ODAD2: variants seen among roughly 807,000 people sequenced by gnomAD.
The protein encoded by ODAD2 is outer dynein arm-docking complex subunit 2.
ODAD2 carries 89 observed loss-of-function variants against 106.8 expected under a neutral mutation model. That is an observed-to-expected ratio of 0.83 (90% CI 0.70 to 0.99). The LOEUF (loss-of-function observed/expected upper bound fraction) is 0.99. ODAD2 is among the 50% of genes least tolerant of loss of function. ODAD2 has a pLI of 0.00. For missense variants in ODAD2, 1,168 were observed against 1,238.5 expected (o/e 0.94, Z 0.85); for synonymous variants, 404 against 436.2 (o/e 0.93, Z 0.92).
chr10:27,952,074 C>CAAAAAAAAAAAAAAAAAAAAAAAA (rs71388944), intron 10 of ODAD2, among the ~76,000 whole-genome samples: 64 of 43,926 alleles, frequency 1.5e-3, no homozygotes, highest in African/African-American at 2.0e-3. Flanking sequence ...GATGCCAACT[C>CAAAAAAAAAAAAAAAAAAAAAAAA]AAAAAAAAAA....
chr10:27,885,545 TATAA>T (rs1842045684), intron 17 of ODAD2, among the ~76,000 whole-genome samples: 4 of 16,652 alleles, frequency 2.4e-4, no homozygotes, highest in African/African-American at 2.4e-4. Context: ...TATATATATA[TATAA>T]ATATATAAAT....
chr10:27,814,589 A>G (rs1352126626), intron 19 of ODAD2, among the ~76,000 whole-genome samples: 1 of 151,916 alleles, frequency 6.6e-6, no homozygotes, highest in East Asian at 1.9e-4. Context: ...TCTGACCACA[A>G]TGTCTCCTCC....
At chr10:27,827,442 T>C (rs1048203943) in intron 19 of ODAD2, among the ~76,000 whole-genome samples, 1 of 150,054 alleles carries the variant, frequency 6.7e-6, no homozygotes, top group African/African-American at 2.5e-5. Context: ...TTTTCCAAGA[T>C]GTTCAAAGCC....
intron 10 of ODAD2, among the ~76,000 whole-genome samples, chr10:27,958,452 G>A: frequency 6.6e-6 from 1 of 152,164 alleles, no homozygotes; most frequent in South Asian, 2.1e-4. Context: ...TAAATCCTAA[G>A]GGAGAAAATT....
At chr10:27,929,109 C>T (rs1359856061) in intron 16 of ODAD2, among the ~76,000 whole-genome samples, 3 of 152,120 alleles carry the variant, frequency 2.0e-5, no homozygotes, top group African/African-American at 7.2e-5. Flanking sequence ...ATATATTAAT[C>T]ATGTAGACTG....
At chr10:27,910,308 C>T (rs889542771) in intron 16 of ODAD2, among the ~76,000 whole-genome samples, 1 of 152,094 alleles carries the variant, frequency 6.6e-6, no homozygotes, top group Non-Finnish European at 1.5e-5. Flanking sequence ...AAGATCACTC[C>T]TAGGGAAAAA....
chr10:27,954,118 ACTC>A (rs761798726), intron 10 of ODAD2, among the ~76,000 whole-genome samples: 4 of 152,160 alleles, frequency 2.6e-5, no homozygotes, highest in Non-Finnish European at 5.9e-5. Context: ...CCTCTTATTC[ACTC>A]CTCAACTCAT....
intron 17 of ODAD2, among the ~76,000 whole-genome samples, chr10:27,892,765 T>A (rs143104659): frequency 6.6e-6 from 1 of 152,330 alleles, no homozygotes; most frequent in Non-Finnish European, 1.5e-5. Context: ...CTCTCAATTA[T>A]CCTGTAATTC....
chr10:27,915,136 T>C (rs1235733846), intron 16 of ODAD2, among the ~76,000 whole-genome samples: 1 of 151,868 alleles, frequency 6.6e-6, no homozygotes, highest in African/African-American at 2.4e-5. Context: ...TAAATGAAAG[T>C]AAAAACCACA....
intron 17 of ODAD2, among the ~76,000 whole-genome samples, chr10:27,870,623 C>G (rs181530120): frequency 6.6e-6 from 1 of 152,032 alleles, no homozygotes; most frequent in East Asian, 1.9e-4. Flanking sequence ...TTTGTCCTTG[C>G]GATAGTTTGC....
At chr10:27,941,603 T>TTTG (rs1291078458) in intron 12 of ODAD2, among the ~76,000 whole-genome samples, 1 of 149,786 alleles carries the variant, frequency 6.7e-6, no homozygotes, top group Admixed American at 6.6e-5. Flanking sequence ...CCAGTTTTTT[T>TTTG]TTTTTTTTTT....
intron 19 of ODAD2, among the ~76,000 whole-genome samples, chr10:27,858,039 G>A (rs1015579109): frequency 7.9e-5 from 12 of 152,198 alleles, no homozygotes; most frequent in Non-Finnish European, 1.8e-4. Flanking sequence ...TTCTCTGCAG[G>A]TAATTGAACC....
chr10:27,963,376 C>A (rs545913546), intron 9 of ODAD2, among the ~76,000 whole-genome samples: 1 of 152,156 alleles, frequency 6.6e-6, no homozygotes, highest in Middle Eastern at 3.4e-3. Context: ...TCTATTATCC[C>A]CATTCTACAA....
intron 9 of ODAD2, among the ~76,000 whole-genome samples, chr10:27,964,391 A>T (rs2132889223): frequency 6.6e-6 from 1 of 152,278 alleles, no homozygotes; most frequent in East Asian, 1.9e-4. Flanking sequence ...TGATAATAGC[A>T]ATTAGTATGT....
intron 16 of ODAD2, among the ~76,000 whole-genome samples, chr10:27,914,493 C>T (rs973689675): frequency 2.6e-5 from 4 of 151,912 alleles, no homozygotes; most frequent in Admixed American, 1.3e-4. Context: ...TGTTCATTTT[C>T]TCAATTTGTT....
chr10:27,913,267 T>C (rs184458686), intron 16 of ODAD2, among the ~76,000 whole-genome samples: 2 of 152,174 alleles, frequency 1.3e-5, no homozygotes, highest in African/African-American at 4.8e-5. Context: ...AGTTTTTCGA[T>C]CCTCACCCTC....
intron 17 of ODAD2, among the ~76,000 whole-genome samples, chr10:27,869,438 G>A (rs899398310): frequency 1.3e-4 from 19 of 150,924 alleles, no homozygotes; most frequent in Non-Finnish European, 1.5e-4. Context: ...CCAGAGTGGC[G>A]TAATATAAAG....
chr10:27,823,308 T>C (rs945163199), intron 19 of ODAD2, among the ~76,000 whole-genome samples: 2 of 152,216 alleles, frequency 1.3e-5, no homozygotes, highest in Non-Finnish European at 2.9e-5. Flanking sequence ...GTGGATAAGA[T>C]TGTTTAGAAT....
rs1479120573 is a variant in ODAD2, at chr10:27,969,150, C to T, written c.1143-132G>A. 5.4e-4 allele frequency: 335 copies of T among 623,180 alleles called. 6 individuals carry two copies. The highest frequency in any genetic ancestry group is 8.4e-6 in the Non-Finnish European group (3 of 355,514). The allele number at this position is 623,180 out of a possible 1,614,324, so 38.6% of individuals were successfully genotyped here. ...TGATGCGTGTTCCTGACAAGAGTTC[C>T]AGCCTCATTCTGACACTCGGAGCTG... On this transcript the variant is annotated intron_variant, in intron 8 of 19. Coordinates refer to ENST00000305242, the MANE Select transcript of ODAD2 (RefSeq NM_018076.5).
Sources: allele counts gnomAD v4.1 joint callset (sites outside exome capture counted in the v4.1 genomes callset), GRCh38; gene constraint gnomAD v4.1.1; transcripts MANE v1.5; gene names NCBI Gene and HGNC (gene_info 2026-07-23, HGNC 2026-07-21).